GABRB2: variants seen among roughly 807,000 people sequenced by gnomAD.
GABRB2 encodes the protein gamma-aminobutyric acid type A receptor subunit beta2.
A neutral mutation model predicts 54.7 loss-of-function variants in GABRB2; 16 were observed. The ratio of observed to expected loss-of-function variants is 0.29; its 90% confidence interval spans 0.20 to 0.44. GABRB2 has a LOEUF of 0.44. Among genes scored for constraint, GABRB2 ranks in the 20% least tolerant of loss-of-function variants. GABRB2 has a pLI of 1.00. For missense variants in GABRB2, 355 were observed against 644.0 expected (o/e 0.55, Z 4.86); for synonymous variants, 244 against 233.8 (o/e 1.04, Z -0.40).
intron 9 of GABRB2, among the ~76,000 whole-genome samples, chr5:161,309,041 G>A (rs746765807): frequency 3.9e-5 from 6 of 152,042 alleles, no homozygotes; most frequent in East Asian, 1.9e-4. Flanking sequence ...GCTCCTGCAC[G>A]GCAAACAAAA....
At chr5:161,313,294 C>G (rs1021203272) in intron 9 of GABRB2, among the ~76,000 whole-genome samples, 1 of 152,082 alleles carries the variant, frequency 6.6e-6, no homozygotes, top group Non-Finnish European at 1.5e-5. Context: ...AAACCTCTTT[C>G]CAGGGTTAAA....
chr5:161,326,967 A>T (rs1758384249), intron 8 of GABRB2: 1 of 982,844 alleles, frequency 1.0e-6, no homozygotes, highest in East Asian at 1.1e-4. Flanking sequence ...CTTAAAAGAG[A>T]AGTAAGGGGA....
At chr5:161,472,237 C>A (rs917523445) in intron 3 of GABRB2, among the ~76,000 whole-genome samples, 17 of 151,896 alleles carry the variant, frequency 1.1e-4, no homozygotes, top group African/African-American at 4.1e-4. Flanking sequence ...CAATATCACT[C>A]AGTCAATAAT....
chr5:161,406,311 G>T (rs995132568), intron 5 of GABRB2, among the ~76,000 whole-genome samples: 3 of 151,956 alleles, frequency 2.0e-5, no homozygotes, highest in African/African-American at 7.2e-5. Flanking sequence ...GGCACAGCTG[G>T]CTAAAACATT....
intron 4 of GABRB2, among the ~76,000 whole-genome samples, chr5:161,457,003 T>C (rs1051105963): frequency 6.6e-6 from 1 of 152,228 alleles, no homozygotes; most frequent in Non-Finnish European, 1.5e-5. Context: ...TACCTATCTA[T>C]TGCAAATGAA....
chr5:161,396,438 C>A (rs1052796012), intron 5 of GABRB2, among the ~76,000 whole-genome samples: 1 of 152,164 alleles, frequency 6.6e-6, no homozygotes, highest in Admixed American at 6.5e-5. Context: ...TCTGGTTTCC[C>A]AGAAGAGAGA....
At chr5:161,306,865 C>T (rs1409957203) in intron 9 of GABRB2, among the ~76,000 whole-genome samples, 1 of 152,120 alleles carries the variant, frequency 6.6e-6, no homozygotes. Context: ...ATCAAAATAA[C>T]TCAGTGTATG....
intron 9 of GABRB2, among the ~76,000 whole-genome samples, chr5:161,298,424 T>C (rs980161): frequency 0.058 from 8,797 of 152,284 alleles, 304 homozygotes; most frequent in Middle Eastern, 0.068. Flanking sequence ...AGACACAAAA[T>C]CTGTCTCACT....
chr5:161,376,860 C>T (rs983985803), intron 5 of GABRB2, among the ~76,000 whole-genome samples: 6 of 151,752 alleles, frequency 4.0e-5, no homozygotes, highest in African/African-American at 1.5e-4. Context: ...AATATGTACC[C>T]TGCATTTTAA....
intron 3 of GABRB2, 91 bp from the exon 4 acceptor site, chr5:161,459,935 T>A (rs1485309420): frequency 2.9e-6 from 2 of 686,612 alleles, no homozygotes; most frequent in African/African-American, 3.6e-5. Context: ...AGAAAATGAA[T>A]TTATTTTTAA....
At chr5:161,487,448 T>A (rs1472432614) in intron 3 of GABRB2, among the ~76,000 whole-genome samples, 1 of 151,904 alleles carries the variant, frequency 6.6e-6, no homozygotes, top group South Asian at 2.1e-4. Context: ...ATTGTAAACA[T>A]ACTACTATTT....
chr5:161,316,931 G>C (rs1337412542), intron 9 of GABRB2, among the ~76,000 whole-genome samples: 1 of 152,076 alleles, frequency 6.6e-6, no homozygotes, highest in African/African-American at 2.4e-5. Flanking sequence ...ATAATCATTA[G>C]AAATCACTAG....
chr5:161,330,246 T>C (rs1753792184), intron 8 of GABRB2: 1 of 152,232 alleles, frequency 6.6e-6, no homozygotes, highest in South Asian at 2.1e-4. Context: ...TATAGTCAAA[T>C]GCTGCAATGA....
rs1431353167 is a variant in GABRB2, at chr5:161,294,399, G to A, written c.1221C>T (p.Ser407=). Residue 407 remains serine (S), a synonymous_variant, in exon 10 of 10, where the codon AGC becomes AGT. Coordinates refer to ENST00000393959, the MANE Select transcript of GABRB2 (RefSeq NM_001371727.1). ...TMDPHENILL[S]TLEIKNEMAT... The stretch of plus-strand genomic sequence containing the variant: ...CCATTTCATTTTTTATCTCGAGAGT[G>A]CTCAGTAAGATGTTCTCATGGGGGT... 5 of 1,613,648 alleles carry A rather than the reference G, an allele frequency of 3.1e-6. No homozygotes were observed. Among genetic ancestry groups the A allele is most frequent in the Non-Finnish European group, 4.2e-6 (5 of 1,179,806 alleles).
intron 5 of GABRB2, among the ~76,000 whole-genome samples, chr5:161,367,150 G>A (rs1754994613): frequency 6.6e-6 from 1 of 152,086 alleles, no homozygotes; most frequent in Admixed American, 6.6e-5. Context: ...TCTTGTTTAG[G>A]AATCTCTTGA....
chr5:161,352,741 T>C (rs1195881693), intron 5 of GABRB2, among the ~76,000 whole-genome samples: 1 of 152,090 alleles, frequency 6.6e-6, no homozygotes, highest in East Asian at 1.9e-4. Flanking sequence ...GTAATGTATA[T>C]GTTAATTAGA....
chr5:161,415,448 T>C (rs1294138673), intron 4 of GABRB2, among the ~76,000 whole-genome samples: 1 of 152,090 alleles, frequency 6.6e-6, no homozygotes. Context: ...AGAAAACAAA[T>C]ACATAGCACA....
chr5:161,359,223 A>G (rs1754730049), intron 5 of GABRB2, among the ~76,000 whole-genome samples: 1 of 152,174 alleles, frequency 6.6e-6, no homozygotes, highest in Non-Finnish European at 1.5e-5. Flanking sequence ...CTAGAAAAAA[A>G]TACGTATTCA....
chr5:161,540,875 C>T (rs1193451453), intron 3 of GABRB2, among the ~76,000 whole-genome samples: 5 of 152,052 alleles, frequency 3.3e-5, no homozygotes, highest in Admixed American at 3.3e-4. Flanking sequence ...GAGACAAGTT[C>T]TCACTCTGTC....
Sources: allele counts gnomAD v4.1 joint callset (sites outside exome capture counted in the v4.1 genomes callset), GRCh38; gene constraint gnomAD v4.1.1; transcripts MANE v1.5; gene names NCBI Gene and HGNC (gene_info 2026-07-23, HGNC 2026-07-21).